KCNJ6: variants seen among roughly 807,000 people sequenced by gnomAD.
KCNJ6 encodes potassium inwardly rectifying channel subfamily J member 6, also known as G protein-activated inward rectifier potassium channel 2.
KCNJ6 carries 9 observed loss-of-function variants against 34.2 expected under a neutral mutation model. The observed-to-expected ratio is 0.26, with a 90% CI of 0.16 to 0.46. KCNJ6 has a LOEUF of 0.46. Ranked by LOEUF, KCNJ6 falls within the 20% of genes least tolerant of loss-of-function variation. KCNJ6 has a pLI of 1.00. For synonymous variants in KCNJ6, 196 were observed against 207.1 expected, an observed-to-expected ratio of 0.95 and a Z score of 0.46; for missense variants, 236 against 531.3, an observed-to-expected ratio of 0.44 and a Z score of 5.46.
In KCNJ6 at chr21:37,640,509, C is replaced by T. The variant is rs150942850; in HGVS notation, c.947-15025G>A. 6.1e-3 allele frequency among the ~76,000 whole-genome samples: 936 copies of T among 152,376 alleles called. 5 individuals carry two copies. The highest frequency in any genetic ancestry group is 0.021 in the African/African-American group (867 of 41,580). ...TCCTTTCCTTGGTCAAGTGTAAAAGCAACAGCTGACCTTTCTTGTAGAATT... is the reference window on the plus strand; with the variant it reads ...TCCTTTCCTTGGTCAAGTGTAAAAGTAACAGCTGACCTTTCTTGTAGAATT... On this transcript the variant is annotated intron_variant, in intron 3 of 3. Transcript: ENST00000609713.
Position 37,721,389 on chromosome 21 carries a change from AG to A in KCNJ6, c.26-6259del, listed in dbSNP as rs553492192. On this transcript the variant is annotated intron_variant, in intron 2 of 3. Transcript: ENST00000609713. Reference sequence around the variant, plus strand: ...CTTAGTCCCTCAAAAAGTTAAACATAGAATTACCATGTAATCCAGCAATTGC... The same window carrying A: ...CTTAGTCCCTCAAAAAGTTAAACATAAATTACCATGTAATCCAGCAATTGC... Among the ~76,000 whole-genome samples, 85 of 152,358 alleles carry A rather than the reference AG, an allele frequency of 5.6e-4. 1 individual carries two copies. In the South Asian group the frequency reaches 0.017, roughly 31 times the overall value.
chr21:37,656,703 C>A (rs1250148847), intron 3 of KCNJ6, among the ~76,000 whole-genome samples: 2 of 152,124 alleles, frequency 1.3e-5, no homozygotes, highest in Non-Finnish European at 2.9e-5. Flanking sequence ...GAGATCAGAC[C>A]CTTGGCTTGC....
chr21:37,886,411 C>T (rs902781822), intron 1 of KCNJ6, among the ~76,000 whole-genome samples: 1 of 152,058 alleles, frequency 6.6e-6, no homozygotes, highest in Non-Finnish European at 1.5e-5. Context: ...AGCTTTTCCC[C>T]GAAAGTAAGA....
chr21:37,629,911 AAAG>A (rs34731870), intron 3 of KCNJ6, among the ~76,000 whole-genome samples: 53,073 of 151,930 alleles, frequency 0.35, 10,174 homozygotes, highest in Admixed American at 0.48. Flanking sequence ...CTCATTTAAA[AAAG>A]GATAAAAAAG....
chr21:37,698,363 T>C (rs1038256398), intron 3 of KCNJ6, among the ~76,000 whole-genome samples: 1 of 152,224 alleles, frequency 6.6e-6, no homozygotes, highest in African/African-American at 2.4e-5. Context: ...GCAGTGATGA[T>C]GCGGTGCCCA....
intron 3 of KCNJ6, among the ~76,000 whole-genome samples, chr21:37,644,607 A>T (rs550198111): frequency 6.6e-6 from 1 of 152,320 alleles, no homozygotes; most frequent in East Asian, 1.9e-4. Context: ...CTGATATTTC[A>T]GAAGTATAGA....
chr21:37,727,550 A>T (rs1417282418), intron 2 of KCNJ6, among the ~76,000 whole-genome samples: 1 of 152,044 alleles, frequency 6.6e-6, no homozygotes, highest in Non-Finnish European at 1.5e-5. Flanking sequence ...ATACTTTTAC[A>T]TGTTGAGAAG....
chr21:37,780,614 T>C (rs2055164866), intron 2 of KCNJ6, among the ~76,000 whole-genome samples: 1 of 152,218 alleles, frequency 6.6e-6, no homozygotes, highest in Non-Finnish European at 1.5e-5. Context: ...GGGAATGCTC[T>C]GTACTTTCTA....
At chr21:37,684,202 T>C (rs56260063) in intron 3 of KCNJ6, among the ~76,000 whole-genome samples, 14,373 of 152,182 alleles carry the variant, frequency 0.094, 1,629 homozygotes, top group African/African-American at 0.27. Flanking sequence ...CTCCTGAGGC[T>C]GTGAAGGGAG....
intron 2 of KCNJ6, among the ~76,000 whole-genome samples, chr21:37,742,235 G>T (rs899810160): frequency 1.3e-5 from 2 of 152,202 alleles, no homozygotes; most frequent in Non-Finnish European, 1.5e-5. Flanking sequence ...AGAAGTTATT[G>T]TTTAGCTTTC....
intron 3 of KCNJ6, among the ~76,000 whole-genome samples, chr21:37,679,318 G>C (rs1238900391): frequency 6.6e-6 from 1 of 152,144 alleles, no homozygotes; most frequent in Non-Finnish European, 1.5e-5. Flanking sequence ...CTAAGTTTTG[G>C]GGTAAATTGT....
At position 37,612,619 on chromosome 21, in the gene KCNJ6, A is replaced by G. The variant is rs763704710; in HGVS notation, c.*12540T>C. 6.6e-6 allele frequency: 1 copy of G among 152,056 alleles called. No individual in the cohort carries two copies. Among genetic ancestry groups the G allele is most frequent in the East Asian group, 1.9e-4 (1 of 5,188 alleles). The allele number at this position is 152,056 out of a possible 1,614,324, so 9.4% of individuals were successfully genotyped here. ...AGCTGAGAAACAGACCCACACAAAT[A>G]TAGTTAACTGATCCTTGGCAAAGGA... On this transcript the variant is annotated 3_prime_UTR_variant, in exon 4 of 4. Coordinates refer to ENST00000609713, the MANE Select transcript of KCNJ6 (RefSeq NM_002240.5).
chr21:37,866,046 T>C (rs939080233), intron 1 of KCNJ6, among the ~76,000 whole-genome samples: 26 of 152,216 alleles, frequency 1.7e-4, no homozygotes, highest in African/African-American at 6.0e-4. Flanking sequence ...GTGGATGTGA[T>C]CATAATTGGT....
At chr21:37,870,513 C>T (rs906984606) in intron 1 of KCNJ6, among the ~76,000 whole-genome samples, 6 of 152,050 alleles carry the variant, frequency 3.9e-5, no homozygotes, top group Non-Finnish European at 8.8e-5. Context: ...TCTCTCTCTG[C>T]CTTGCTTTCA....
intron 3 of KCNJ6, among the ~76,000 whole-genome samples, chr21:37,648,787 T>A (rs1185820597): frequency 2.0e-5 from 3 of 152,006 alleles, no homozygotes; most frequent in Non-Finnish European, 4.4e-5. Flanking sequence ...TTACTTTGGG[T>A]TTTTAAAGTT....
At chr21:37,733,113 G>A (rs1270780083) in intron 2 of KCNJ6, among the ~76,000 whole-genome samples, 1 of 152,222 alleles carries the variant, frequency 6.6e-6, no homozygotes, top group Non-Finnish European at 1.5e-5. Context: ...TTAAGTGTTA[G>A]CATTTTGAAC....
At chr21:37,732,803 A>G (rs2054892587) in intron 2 of KCNJ6, among the ~76,000 whole-genome samples, 1 of 152,190 alleles carries the variant, frequency 6.6e-6, no homozygotes, top group Non-Finnish European at 1.5e-5. Context: ...TGGGGATGAC[A>G]GAAACTGGGT....
chr21:37,622,276 A>G lies in KCNJ6; in HGVS notation c.*2883T>C, dbSNP rs995684082. 2 of 152,160 alleles carry G rather than the reference A, an allele frequency of 1.3e-5. No individual in the cohort carries two copies. Among genetic ancestry groups the G allele is most frequent in the African/African-American group, 2.4e-5 (1 of 41,428 alleles). 9.4% of individuals were successfully genotyped at this position (152,160 alleles called of 1,614,324 possible). The stretch of plus-strand genomic sequence containing the variant: ...GAGACTTTTAAAAAATTCTCATTGC[A>G]CTTGGTTTGCTAATGGAGTGACTGA... On this transcript the variant is annotated 3_prime_UTR_variant, in exon 4 of 4. Transcript: ENST00000609713.
At chr21:37,696,355 C>T (rs1382187687) in intron 3 of KCNJ6, among the ~76,000 whole-genome samples, 1 of 152,192 alleles carries the variant, frequency 6.6e-6, no homozygotes, top group Non-Finnish European at 1.5e-5. Flanking sequence ...AAAAGCTGAC[C>T]TTATGTGCCT....
Sources: allele counts gnomAD v4.1 joint callset (sites outside exome capture counted in the v4.1 genomes callset), GRCh38; gene constraint gnomAD v4.1.1; transcripts MANE v1.5; gene names NCBI Gene and HGNC (gene_info 2026-07-23, HGNC 2026-07-21).